The following FGF1 variants were observed in gnomAD, a reference collection of about 807,000 sequenced individuals.
The protein encoded by FGF1 is beta-endothelial cell growth factor.
In FGF1, 9 loss-of-function variants were observed where a neutral mutation model predicts 13.4. That is an observed-to-expected ratio of 0.67 (90% CI 0.40 to 1.17). FGF1 has a LOEUF of 1.17. FGF1 is among the 50% of genes most tolerant of loss of function. The probability of loss-of-function intolerance (pLI) is 0.01; values close to 1 mark genes in which losing one functional copy is unlikely to be tolerated. For missense variants in FGF1, 156 were observed against 192.7 expected (o/e 0.81, Z 1.13); for synonymous variants, 93 against 79.0 (o/e 1.18, Z -0.94).
intron 1 of FGF1, among the ~76,000 whole-genome samples, chr5:142,619,396 G>A (rs1761018257): frequency 6.6e-6 from 1 of 152,188 alleles, no homozygotes. Context: ...TACAAAACAG[G>A]CCTTGGCTTT....
chr5:142,623,084 A>G (rs564917853), intron 1 of FGF1, among the ~76,000 whole-genome samples: 1 of 152,376 alleles, frequency 6.6e-6, no homozygotes, highest in South Asian at 2.1e-4. Context: ...GAAATTGGCA[A>G]ATGCCAGGGC....
chr5:142,663,523 G>A (rs2152005657), intron 1 of FGF1, among the ~76,000 whole-genome samples: 2 of 152,238 alleles, frequency 1.3e-5, no homozygotes, highest in Middle Eastern at 3.4e-3. Flanking sequence ...TCTTCACTAT[G>A]GAAACTTATT....
At chr5:142,619,312 A>G (rs1213159133) in intron 1 of FGF1, among the ~76,000 whole-genome samples, 2 of 152,182 alleles carry the variant, frequency 1.3e-5, no homozygotes, top group Non-Finnish European at 2.9e-5. Flanking sequence ...CAGAGTATAT[A>G]AAGCCACTGA....
In FGF1 at chr5:142,592,453, A is replaced by G. The variant is rs1053709760; in HGVS notation, c.*2837T>C. 5.0e-6 allele frequency: 2 copies of G among 398,450 alleles called. No individual in the cohort carries two copies. The highest frequency in any genetic ancestry group is 4.4e-6 in the Non-Finnish European group (1 of 226,024). 24.7% of individuals were successfully genotyped at this position (398,450 alleles called of 1,614,324 possible). Reference sequence around the variant, plus strand: ...TGAATCTTTCTTATCATGCCTTCCAAGGAAACCAATACCTACCTCCACCAC... The same window carrying G: ...TGAATCTTTCTTATCATGCCTTCCAGGGAAACCAATACCTACCTCCACCAC... On this transcript the variant is annotated 3_prime_UTR_variant, in exon 4 of 4. Coordinates refer to ENST00000337706, the MANE Select transcript of FGF1 (RefSeq NM_000800.5).
upstream of FGF1, among the ~76,000 whole-genome samples, chr5:142,691,043 GC>G (rs1561773259): frequency 6.6e-6 from 1 of 152,120 alleles, no homozygotes; most frequent in African/African-American, 2.4e-5. Flanking sequence ...TTCTAAATCA[GC>G]CCCTTATCAC....
At chr5:142,605,507 G>A (rs1224220721) in intron 2 of FGF1, among the ~76,000 whole-genome samples, 1 of 152,026 alleles carries the variant, frequency 6.6e-6, no homozygotes, top group Non-Finnish European at 1.5e-5. Flanking sequence ...CTGGCCATGG[G>A]GCTGAATAGG....
intron 1 of FGF1, among the ~76,000 whole-genome samples, chr5:142,676,305 C>A (rs545154449): frequency 6.6e-6 from 1 of 152,206 alleles, no homozygotes; most frequent in South Asian, 2.1e-4. Flanking sequence ...CTGTGCATTG[C>A]GTGCTAAAAC....
At chr5:142,611,270 T>C (rs1758981793) in intron 2 of FGF1, among the ~76,000 whole-genome samples, 1 of 152,114 alleles carries the variant, frequency 6.6e-6, no homozygotes, top group Admixed American at 6.5e-5. Flanking sequence ...CAGAACCACA[T>C]TCAGGGAGTA....
chr5:142,677,313 T>TGTC (rs1031763818), intron 1 of FGF1, among the ~76,000 whole-genome samples: 4 of 152,220 alleles, frequency 2.6e-5, no homozygotes, highest in Admixed American at 6.5e-5. Context: ...CTACATTGTC[T>TGTC]GTCTCCATGG....
chr5:142,626,553 C>G (rs72794726), intron 1 of FGF1, among the ~76,000 whole-genome samples: 8,591 of 152,284 alleles, frequency 0.056, 252 homozygotes, highest in Middle Eastern at 0.11. Flanking sequence ...TTGAGCTTCT[C>G]TATTCTTTTT....
intron 1 of FGF1, among the ~76,000 whole-genome samples, chr5:142,624,518 A>AAT (rs1762156772): frequency 1.3e-5 from 2 of 152,240 alleles, no homozygotes; most frequent in Non-Finnish European, 2.9e-5. Context: ...AGTATATTTC[A>AAT]TGGGTCTACA....
chr5:142,604,280 G>GT (rs1010431398), intron 2 of FGF1, among the ~76,000 whole-genome samples: 51 of 151,628 alleles, frequency 3.4e-4, no homozygotes, highest in East Asian at 7.7e-4. Context: ...AATAAAGCTG[G>GT]TTTTTTTTTA....
At chr5:142,677,009 C>T (rs1359685116) in intron 1 of FGF1, among the ~76,000 whole-genome samples, 2 of 152,216 alleles carry the variant, frequency 1.3e-5, no homozygotes, top group Non-Finnish European at 2.9e-5. Context: ...AAAGGCAATG[C>T]AGCCAACTGC....
intron 1 of FGF1, among the ~76,000 whole-genome samples, chr5:142,676,277 T>C (rs1362866262): frequency 6.6e-6 from 1 of 152,236 alleles, no homozygotes; most frequent in East Asian, 1.9e-4. Context: ...TCATATCTTA[T>C]TGAGCAAATA....
intron 3 of FGF1, among the ~76,000 whole-genome samples, chr5:142,597,393 C>T (rs1052618117): frequency 5.9e-5 from 9 of 152,032 alleles, no homozygotes; most frequent in Admixed American, 3.9e-4. Flanking sequence ...AAAGAATATC[C>T]GTACAGTAGA....
chr5:142,622,667 T>A (rs13188142), intron 1 of FGF1, among the ~76,000 whole-genome samples: 37,842 of 152,224 alleles, frequency 0.25, 5,939 homozygotes, highest in Non-Finnish European at 0.36. Flanking sequence ...CCAGGCTTTT[T>A]TTATTTCTGC....
intron 1 of FGF1, 32 bp downstream of exon 1, chr5:142,685,925 C>G (rs1751080480): frequency 6.6e-6 from 1 of 152,254 alleles, no homozygotes; most frequent in Non-Finnish European, 1.5e-5. Context: ...ATAACCTGCT[C>G]TGTTTCCCAG....
chr5:142,609,565 G>C (rs1021409734), intron 2 of FGF1, among the ~76,000 whole-genome samples: 3 of 152,192 alleles, frequency 2.0e-5, no homozygotes, highest in African/African-American at 4.8e-5. Flanking sequence ...TTATGCCTCT[G>C]TGTCAGGCCT....
chr5:142,609,922 A>T (rs1758680644), intron 2 of FGF1, among the ~76,000 whole-genome samples: 1 of 152,168 alleles, frequency 6.6e-6, no homozygotes, highest in Admixed American at 6.5e-5. Flanking sequence ...TTGGGACCCG[A>T]CCTACACCCA....
Sources: allele counts gnomAD v4.1 joint callset (sites outside exome capture counted in the v4.1 genomes callset), GRCh38; gene constraint gnomAD v4.1.1; transcripts MANE v1.5; gene names NCBI Gene and HGNC (gene_info 2026-07-23, HGNC 2026-07-21).